The following LIN7A variants were observed in gnomAD, a reference collection of about 807,000 sequenced individuals.
The protein encoded by LIN7A is protein lin-7 homolog A.
In LIN7A, 25 loss-of-function variants were observed where a neutral mutation model predicts 29.8. The ratio of observed to expected loss-of-function variants is 0.84; its 90% CI spans 0.61 to 1.17. The LOEUF is 1.17. Among genes scored for constraint, LIN7A ranks in the 50% most tolerant of loss-of-function variants. The probability of loss-of-function intolerance (pLI) is 0.00; values close to 1 mark genes in which losing one functional copy is unlikely to be tolerated. For missense variants in LIN7A, 239 were observed against 287.0 expected, an observed-to-expected ratio of 0.83 and a Z score of 1.21; for synonymous variants, 118 against 107.5, an observed-to-expected ratio of 1.10 and a Z score of -0.60.
intron 1 of LIN7A, among the ~76,000 whole-genome samples, chr12:80,903,721 A>G (rs1366260673): frequency 6.6e-6 from 1 of 152,020 alleles, no homozygotes; most frequent in Non-Finnish European, 1.5e-5. Context: ...TGCTGGATCA[A>G]ATAGTAGTAG....
At chr12:80,875,473 G>A (rs2120531463) in intron 2 of LIN7A, among the ~76,000 whole-genome samples, 1 of 152,238 alleles carries the variant, frequency 6.6e-6, no homozygotes, top group Non-Finnish European at 1.5e-5. Flanking sequence ...ACATTCATAA[G>A]AACGTACATA....
chr12:80,836,599 G>A (rs1035955604), intron 4 of LIN7A, among the ~76,000 whole-genome samples: 2 of 152,120 alleles, frequency 1.3e-5, no homozygotes, highest in Admixed American at 1.3e-4. Context: ...AGTTTGCAGT[G>A]AGCCAAGATC....
At position 80,811,565 on chromosome 12, in the gene LIN7A, T is replaced by A. The variant is rs1469629712; in HGVS notation, c.602A>T (p.Glu201Val). ...CCGACGCCTGGCTGTTCGTAGCTTT[T>A]CAAAGCGAGCCTCCATTTCTTCCAG... ...KVLEEMEARF[E>V]KLRTARRRQQ... The change falls in exon 5 of 6, where the codon GAA becomes GTA. Residue 201 changes from glutamate to valine, a missense_variant. Physicochemically the swap from Glu to Val is moderately radical, Grantham distance 121. Coordinates refer to ENST00000552864, the MANE Select transcript of LIN7A (RefSeq NM_004664.4). 2 of 1,614,086 alleles carry A rather than the reference T, an allele frequency of 1.2e-6. No homozygotes were observed. The highest frequency in any genetic ancestry group is 1.7e-6 in the Non-Finnish European group (2 of 1,180,018).
intron 2 of LIN7A, among the ~76,000 whole-genome samples, chr12:80,885,213 T>C (rs958647913): frequency 2.6e-5 from 4 of 152,164 alleles, no homozygotes; most frequent in Admixed American, 6.5e-5. Flanking sequence ...AATTCTCTTA[T>C]TAAAAAATCA....
At chr12:80,812,279 C>A (rs547420489) in intron 4 of LIN7A, among the ~76,000 whole-genome samples, 12 of 111,182 alleles carry the variant, frequency 1.1e-4, no homozygotes, top group African/African-American at 5.2e-4. Context: ...CTAAATATAA[C>A]AGATTAATTA....
intron 1 of LIN7A, among the ~76,000 whole-genome samples, chr12:80,891,027 C>A (rs182628211): frequency 3.3e-5 from 5 of 152,212 alleles, no homozygotes; most frequent in South Asian, 2.1e-4. Context: ...ATTTCTCCCC[C>A]CAAACAAGCC....
chr12:80,863,911 T>A (rs1190839534), intron 2 of LIN7A, among the ~76,000 whole-genome samples: 2 of 150,500 alleles, frequency 1.3e-5, no homozygotes, highest in Non-Finnish European at 3.0e-5. Context: ...TGTTTTTTTT[T>A]AACAACATTA....
intron 1 of LIN7A, among the ~76,000 whole-genome samples, chr12:80,904,424 T>G (rs1876373830): frequency 6.6e-6 from 1 of 152,180 alleles, no homozygotes; most frequent in African/African-American, 2.4e-5. Context: ...TATCTGAAAT[T>G]TTGTATCCTT....
intron 1 of LIN7A, among the ~76,000 whole-genome samples, chr12:80,899,375 T>C (rs1876077679): frequency 1.3e-5 from 2 of 152,194 alleles, no homozygotes; most frequent in Admixed American, 1.3e-4. Context: ...ATGCTGGAGT[T>C]AGTTTGTTTA....
intron 2 of LIN7A, among the ~76,000 whole-genome samples, chr12:80,848,885 T>G (rs1420568044): frequency 3.9e-5 from 6 of 152,164 alleles, no homozygotes; most frequent in Admixed American, 3.3e-4. Context: ...TTCCTTTATA[T>G]TAATCTTATT....
chr12:80,878,623 T>C (rs1013127518), intron 2 of LIN7A, among the ~76,000 whole-genome samples: 11 of 152,216 alleles, frequency 7.2e-5, no homozygotes, highest in African/African-American at 2.2e-4. Context: ...AGCGGGTTGC[T>C]GCTGTTGGCG....
chr12:80,924,696 T>C (rs1333754397), intron 1 of LIN7A, among the ~76,000 whole-genome samples: 2 of 152,200 alleles, frequency 1.3e-5, no homozygotes, highest in Non-Finnish European at 1.5e-5. Context: ...GCATCGCAAT[T>C]AAATAGAACT....
At chr12:80,880,655 A>G (rs1340663001) in intron 2 of LIN7A, among the ~76,000 whole-genome samples, 4 of 152,126 alleles carry the variant, frequency 2.6e-5, no homozygotes, top group Non-Finnish European at 4.4e-5. Context: ...GATCTTGCAT[A>G]AAGAAACTCC....
chr12:80,804,990 T>A (rs1405750697), intron 5 of LIN7A, among the ~76,000 whole-genome samples: 1 of 152,204 alleles, frequency 6.6e-6, no homozygotes, highest in Admixed American at 6.5e-5. Context: ...GCAGCAAACA[T>A]GGGAGTGCAG....
chr12:80,832,492 C>T (rs1872409691), intron 4 of LIN7A: 1 of 471,902 alleles, frequency 2.1e-6, no homozygotes, highest in African/African-American at 2.0e-5. Flanking sequence ...ACAGAACATT[C>T]AATTGAGATC....
At chr12:80,878,586 T>C (rs1166211956) in intron 2 of LIN7A, among the ~76,000 whole-genome samples, 1 of 152,124 alleles carries the variant, frequency 6.6e-6, no homozygotes, top group Non-Finnish European at 1.5e-5. Context: ...GAAAGAACAA[T>C]ACTTCCACAG....
chr12:80,884,894 C>T (rs998754237), intron 2 of LIN7A, among the ~76,000 whole-genome samples: 8 of 152,114 alleles, frequency 5.3e-5, no homozygotes, highest in Non-Finnish European at 8.8e-5. Context: ...TACAACAGAC[C>T]ACTGTTAGCA....
chr12:80,827,013 AG>A (rs1478315927), intron 4 of LIN7A, among the ~76,000 whole-genome samples: 6 of 152,204 alleles, frequency 3.9e-5, no homozygotes, highest in African/African-American at 1.4e-4. Flanking sequence ...TTTAAAGCTT[AG>A]GTCAAAGATT....
At chr12:80,934,053 A>T (rs12311427) in intron 1 of LIN7A, among the ~76,000 whole-genome samples, 4 of 151,860 alleles carry the variant, frequency 2.6e-5, no homozygotes, top group Non-Finnish European at 5.9e-5. Context: ...CTTATCATCC[A>T]TCTCTCCCAT....
Sources: gnomAD v4.1 joint callset for allele counts (sites outside exome capture counted in the v4.1 genomes callset) on GRCh38, gnomAD v4.1.1 for gene constraint, MANE v1.5 for transcripts, NCBI Gene and HGNC (gene_info 2026-07-23, HGNC 2026-07-21) for gene names.